Variants in SHROOM2 observed in about 807,000 individuals in gnomAD.
SHROOM2 encodes shroom family member 2.
SHROOM2 carries 33 observed loss-of-function variants against 75.9 expected under a neutral mutation model. The observed-to-expected ratio is 0.43, with a 90% CI of 0.33 to 0.58. The LOEUF (loss-of-function observed/expected upper bound fraction) is 0.58, where lower values mean the gene tolerates loss of function less well. Ranked by LOEUF, SHROOM2 falls within the 20% of genes least tolerant of loss-of-function variation. The pLI, the probability that SHROOM2 is intolerant of heterozygous loss-of-function variation, is 0.04. For synonymous variants in SHROOM2, 655 were observed against 663.6 expected (o/e 0.99, Z 0.20); for missense variants, 1,434 against 1,461.2 (o/e 0.98, Z 0.30).
intron 1 of SHROOM2, among the ~76,000 whole-genome samples, chrX:9,844,582 G>A (rs1796138183): frequency 9.0e-6 from 1 of 111,226 alleles, no homozygotes; most frequent in Admixed American, 9.6e-5. Flanking sequence ...GGAGGCCAAG[G>A]TGGGCAGATC....
At chrX:9,797,793 T>C (rs889312620) in intron 1 of SHROOM2, among the ~76,000 whole-genome samples, 65 of 111,699 alleles carry the variant, frequency 5.8e-4, no homozygotes, top group African/African-American at 2.1e-3. Context: ...TAGGTGGGGC[T>C]GGCCGGAGGC....
intron 1 of SHROOM2, among the ~76,000 whole-genome samples, chrX:9,825,710 T>G (rs1284303711): frequency 8.9e-6 from 1 of 111,865 alleles, no homozygotes; most frequent in African/African-American, 3.2e-5. Flanking sequence ...TGGGTGTATG[T>G]TTGTGTTTCA....
In SHROOM2 at chrX:9,946,523, CTGTG is replaced by C. The variant is rs765744040; in HGVS notation, c.4585-145_4585-142del. On this transcript the variant is annotated intron_variant, in intron 9 of 9. Transcript: ENST00000380913. Reference sequence around the variant, plus strand: ...CCCAGGCCCTGGGCCCTGGGTTTGTCTGTGTGGACCCCATCGGATCTCTGGTGGC... The same window carrying C: ...CCCAGGCCCTGGGCCCTGGGTTTGTCTGGACCCCATCGGATCTCTGGTGGC... The C allele has an allele frequency of 1.2e-4, 63 of 527,972 alleles. No individual in the cohort carries two copies. In the South Asian group the frequency reaches 1.9e-3, roughly 16 times the overall value. 43.5% of individuals were successfully genotyped at this position (527,972 alleles called of 1,213,427 possible).
chrX:9,851,948 G>A (rs1041115680), intron 1 of SHROOM2, among the ~76,000 whole-genome samples: 1 of 112,461 alleles, frequency 8.9e-6, no homozygotes, highest in African/African-American at 3.2e-5. Flanking sequence ...GGTGACTGAA[G>A]TCTGATGTAT....
intron 1 of SHROOM2, among the ~76,000 whole-genome samples, chrX:9,812,726 G>A (rs1475433453): frequency 8.9e-6 from 1 of 112,272 alleles, no homozygotes; most frequent in Non-Finnish European, 1.9e-5. Flanking sequence ...AGCAATCAAG[G>A]TCTCTCTGAA....
intron 8 of SHROOM2, 132 bp downstream of exon 8, chrX:9,939,498 G>A: frequency 1.9e-6 from 1 of 513,686 alleles, no homozygotes; most frequent in South Asian, 4.4e-5. Flanking sequence ...TTTCACTCAG[G>A]ACAGTGGAAT....
rs1324350571 is a variant in SHROOM2 at position 9,895,521 on chromosome X, T to G, written c.1613T>G (p.Leu538Arg). 6 of 1,198,235 alleles carry G rather than the reference T, an allele frequency of 5.0e-6. No individual in the cohort carries two copies. The highest frequency in any genetic ancestry group is 5.6e-6 in the Non-Finnish European group (5 of 889,917). The change falls in exon 4 of 10, where the codon CTG becomes CGG. Residue 538 changes from leucine to arginine, a missense_variant. By Grantham distance (102) the Leu-to-Arg change is moderately radical. Transcript: ENST00000380913. ...CGCGAGACAGGACGGTGTTACCCGCTGGACAAAGGGGCCGAGGGCTGCTCC... is the reference window on the plus strand; with the variant it reads ...CGCGAGACAGGACGGTGTTACCCGCGGGACAAAGGGGCCGAGGGCTGCTCC... Reference protein sequence around the residue: ...DARETGRCYPLDKGAEGCSAG... With the variant: ...DARETGRCYPRDKGAEGCSAG...
At chrX:9,892,656 G>A (rs2084300670) in intron 3 of SHROOM2, among the ~76,000 whole-genome samples, 2 of 111,894 alleles carry the variant, frequency 1.8e-5, no homozygotes, top group South Asian at 7.5e-4. Context: ...CAGAATACTG[G>A]TGGGTAGTCA....
intron 7 of SHROOM2, 74 bp downstream of exon 7, chrX:9,937,759 C>G: frequency 3.3e-6 from 3 of 896,832 alleles, no homozygotes; most frequent in Non-Finnish European, 4.5e-6. Flanking sequence ...GGAAGGGGGT[C>G]TGCCTCTCTG....
rs773086729 is a variant in SHROOM2, at chrX:9,847,457, T to G, written c.166-26195T>G. Among the ~76,000 whole-genome samples, 273 of 112,185 alleles carry G rather than the reference T, an allele frequency of 2.4e-3. 2 individuals are homozygous for G. The highest frequency in any genetic ancestry group is 8.7e-3 in the African/African-American group (269 of 30,889). The stretch of plus-strand genomic sequence containing the variant: ...CAAATATGGCTGGAAAATGTCAACA[T>G]ACTCTCCAGATTATCAGCTCCGACG... On this transcript the variant is annotated intron_variant, in intron 1 of 9. Coordinates refer to ENST00000380913, the MANE Select transcript of SHROOM2 (RefSeq NM_001649.4).
At chrX:9,795,655 G>C (rs2083691228) in intron 1 of SHROOM2, among the ~76,000 whole-genome samples, 1 of 111,336 alleles carries the variant, frequency 9.0e-6, no homozygotes, top group African/African-American at 3.3e-5. Flanking sequence ...AATGCTGTTT[G>C]GACACTCCGT....
intron 2 of SHROOM2, among the ~76,000 whole-genome samples, chrX:9,890,615 G>T (rs185637160): frequency 3.5e-4 from 39 of 112,535 alleles, no homozygotes; most frequent in Non-Finnish European, 6.4e-4. Context: ...TGTTTGGCTC[G>T]AGCGCGCACG....
intron 1 of SHROOM2, among the ~76,000 whole-genome samples, chrX:9,849,808 C>G (rs1347792501): frequency 3.6e-5 from 4 of 111,940 alleles, no homozygotes; most frequent in African/African-American, 1.3e-4. Context: ...GAAGATAACA[C>G]CAGCAGACAA....
At chrX:9,809,936 A>G (rs929342762) in intron 1 of SHROOM2, among the ~76,000 whole-genome samples, 1 of 112,653 alleles carries the variant, frequency 8.9e-6, no homozygotes, top group African/African-American at 3.2e-5. Flanking sequence ...TTGGCCTCCC[A>G]AAGTGCTGGG....
chrX:9,902,155 A>G (rs1396146575), intron 5 of SHROOM2, among the ~76,000 whole-genome samples: 2 of 108,921 alleles, frequency 1.8e-5, no homozygotes, highest in African/African-American at 6.7e-5. Flanking sequence ...GGGTGTGTGG[A>G]TGGATGCAGA....
chrX:9,825,118 C>T (rs1257300850), intron 1 of SHROOM2, among the ~76,000 whole-genome samples: 1 of 112,166 alleles, frequency 8.9e-6, no homozygotes, highest in African/African-American at 3.2e-5. Flanking sequence ...AAAAATCTCC[C>T]TAAATATCAA....
At chrX:9,826,145 C>T (rs752518888) in intron 1 of SHROOM2, among the ~76,000 whole-genome samples, 7 of 112,209 alleles carry the variant, frequency 6.2e-5, no homozygotes, top group Non-Finnish European at 1.3e-4. Context: ...AATGTCTCAC[C>T]GCCCTGTCCA....
At chrX:9,808,221 AGGAAGCCTTC>A (rs2083767172) in intron 1 of SHROOM2, among the ~76,000 whole-genome samples, 2 of 110,814 alleles carry the variant, frequency 1.8e-5, no homozygotes, top group African/African-American at 6.6e-5. Context: ...GGGAGGCTGA[AGGAAGCCTTC>A]CTGCACTTCT....
intron 5 of SHROOM2, among the ~76,000 whole-genome samples, chrX:9,931,347 C>G (rs955781800): frequency 9.1e-6 from 1 of 110,442 alleles, no homozygotes; most frequent in Non-Finnish European, 1.9e-5. Flanking sequence ...AACCCCATCT[C>G]TACTAAAAAT....
Sources: allele counts gnomAD v4.1 joint callset (sites outside exome capture counted in the v4.1 genomes callset), GRCh38; gene constraint gnomAD v4.1.1; transcripts MANE v1.5; gene names NCBI Gene and HGNC (gene_info 2026-07-23, HGNC 2026-07-21).